The following DIAPH3 variants were observed in gnomAD, a reference collection of about 807,000 sequenced individuals.
DIAPH3 encodes diaphanous related formin 3.
In DIAPH3, 117 loss-of-function variants were observed where a neutral mutation model predicts 144.3. The observed-to-expected ratio is 0.81, with a 90% CI of 0.70 to 0.95. The LOEUF (loss-of-function observed/expected upper bound fraction) is 0.95. Among genes scored for constraint, DIAPH3 ranks in the 40% least tolerant of loss-of-function variants. The pLI is 0.00. For synonymous variants in DIAPH3, 519 were observed against 488.9 expected, an observed-to-expected ratio of 1.06 and a Z score of -0.81; for missense variants, 1,421 against 1,412.7, an observed-to-expected ratio of 1.01 and a Z score of -0.09.
chr13:59,758,534 C>T (rs1825907527), intron 27 of DIAPH3, among the ~76,000 whole-genome samples: 1 of 152,148 alleles, frequency 6.6e-6, no homozygotes, highest in Admixed American at 6.5e-5. Flanking sequence ...AATTCTGTTT[C>T]TTGATCTGGT....
At chr13:59,907,479 G>GAA (rs1460039215) in intron 20 of DIAPH3, among the ~76,000 whole-genome samples, 2 of 151,880 alleles carry the variant, frequency 1.3e-5, no homozygotes, top group Non-Finnish European at 2.9e-5. Flanking sequence ...AAATCTCCTA[G>GAA]AAAACACAGG....
intron 5 of DIAPH3, among the ~76,000 whole-genome samples, chr13:60,026,832 T>G (rs1344771835): frequency 6.6e-6 from 1 of 152,216 alleles, no homozygotes; most frequent in Non-Finnish European, 1.5e-5. Context: ...CCTATAATGA[T>G]CTTATCTTTT....
At chr13:60,152,518 T>TA (rs1032376636) in intron 1 of DIAPH3, among the ~76,000 whole-genome samples, 1 of 143,930 alleles carries the variant, frequency 6.9e-6, no homozygotes, top group Non-Finnish European at 1.5e-5. Context: ...ATTGGAACCC[T>TA]AAAAAAATCA....
intron 4 of DIAPH3, among the ~76,000 whole-genome samples, chr13:60,064,231 C>T (rs1244073127): frequency 2.0e-5 from 3 of 152,126 alleles, no homozygotes; most frequent in African/African-American, 7.2e-5. Context: ...GCATTAGCCC[C>T]AACAAAGGAG....
chr13:59,743,305 C>T (rs749804231), intron 27 of DIAPH3, among the ~76,000 whole-genome samples: 10 of 152,094 alleles, frequency 6.6e-5, no homozygotes, highest in East Asian at 1.9e-4. Flanking sequence ...CTCAAAGAGA[C>T]GGAAGACCAG....
intron 24 of DIAPH3, among the ~76,000 whole-genome samples, chr13:59,827,651 T>C (rs1242496054): frequency 6.6e-6 from 1 of 152,004 alleles, no homozygotes; most frequent in African/African-American, 2.4e-5. Context: ...AGTACAGGCT[T>C]CCACCCGTAC....
At chr13:60,063,821 C>T (rs1235932695) in intron 4 of DIAPH3, among the ~76,000 whole-genome samples, 2 of 151,812 alleles carry the variant, frequency 1.3e-5, no homozygotes, top group African/African-American at 2.4e-5. Flanking sequence ...CCCAGCTACT[C>T]GAGAGGCTGA....
intron 25 of DIAPH3, among the ~76,000 whole-genome samples, chr13:59,776,215 T>C (rs1422877307): frequency 6.6e-6 from 1 of 152,146 alleles, no homozygotes; most frequent in Non-Finnish European, 1.5e-5. Context: ...AACAGATATA[T>C]AAATATAAAT....
chr13:59,687,632 T>C (rs17057024), intron 27 of DIAPH3, among the ~76,000 whole-genome samples: 6,636 of 152,038 alleles, frequency 0.044, 226 homozygotes, highest in South Asian at 0.1. Context: ...AATGATATAT[T>C]GAAAAAACTC....
intron 25 of DIAPH3, among the ~76,000 whole-genome samples, chr13:59,777,017 C>T (rs996293472): frequency 4.6e-5 from 7 of 152,154 alleles, no homozygotes; most frequent in South Asian, 2.1e-4. Context: ...TTCTAGCTAC[C>T]GTTACTAGTC....
intron 9 of DIAPH3, among the ~76,000 whole-genome samples, chr13:60,003,520 T>C (rs962624441): frequency 1.3e-5 from 2 of 150,382 alleles, no homozygotes; most frequent in Non-Finnish European, 3.0e-5. Flanking sequence ...TGTGTATACA[T>C]ATATATATAG....
chr13:60,049,882 T>G (rs1272825982), intron 4 of DIAPH3, among the ~76,000 whole-genome samples: 1 of 152,192 alleles, frequency 6.6e-6, no homozygotes, highest in African/African-American at 2.4e-5. Flanking sequence ...ATAATATCTT[T>G]TGTTCTAAGA....
chr13:59,738,295 C>T (rs964074063), intron 27 of DIAPH3, among the ~76,000 whole-genome samples: 1 of 152,030 alleles, frequency 6.6e-6, no homozygotes, highest in Non-Finnish European at 1.5e-5. Flanking sequence ...AAGAAGGTGG[C>T]CTGCCAAAGC....
chr13:59,747,975 G>T (rs917942731), intron 27 of DIAPH3, among the ~76,000 whole-genome samples: 3 of 152,154 alleles, frequency 2.0e-5, no homozygotes, highest in Non-Finnish European at 1.5e-5. Context: ...GCCCAAATGA[G>T]GTTAGCTAGC....
chr13:59,780,795 GA>G (rs1175133854), intron 25 of DIAPH3, among the ~76,000 whole-genome samples: 1 of 152,176 alleles, frequency 6.6e-6, no homozygotes, highest in East Asian at 1.9e-4. Context: ...GGGGAACAAA[GA>G]TTGGAAAATA....
chr13:59,956,471 A>G lies in DIAPH3; in HGVS notation c.2074+13473T>C, dbSNP rs927508252. Among the ~76,000 whole-genome samples, 3 of 152,210 alleles carry G rather than the reference A, an allele frequency of 2.0e-5. 1 individual carries two copies. The highest frequency in any genetic ancestry group is 4.4e-5 in the Non-Finnish European group (3 of 68,046). On this transcript the variant is annotated intron_variant, in intron 17 of 27. Coordinates refer to ENST00000400324, the MANE Select transcript of DIAPH3 (RefSeq NM_001042517.2). ...CATGGTGTCAGGACTGTGGGTGCAAATAAGTCAAGAACTGAGGTTTGGGAA... is the reference window on the plus strand; with the variant it reads ...CATGGTGTCAGGACTGTGGGTGCAAGTAAGTCAAGAACTGAGGTTTGGGAA...
At chr13:59,797,262 C>T (rs1370445003) in intron 25 of DIAPH3, among the ~76,000 whole-genome samples, 1 of 152,150 alleles carries the variant, frequency 6.6e-6, no homozygotes, top group Non-Finnish European at 1.5e-5. Context: ...CTGTCTCCTG[C>T]CAGAATATAT....
At chr13:59,767,196 C>A (rs1194065230) in intron 27 of DIAPH3, among the ~76,000 whole-genome samples, 1 of 152,176 alleles carries the variant, frequency 6.6e-6, no homozygotes, top group African/African-American at 2.4e-5. Flanking sequence ...AGTAGCACCA[C>A]CTCGTTGGAT....
intron 17 of DIAPH3, among the ~76,000 whole-genome samples, chr13:59,958,156 T>C (rs138137690): frequency 1.9e-3 from 288 of 152,304 alleles, no homozygotes; most frequent in African/African-American, 6.6e-3. Flanking sequence ...CCAATTAAAA[T>C]AAACTTTATA....
Sources: gnomAD v4.1 joint callset for allele counts (sites outside exome capture counted in the v4.1 genomes callset) on GRCh38, gnomAD v4.1.1 for gene constraint, MANE v1.5 for transcripts, NCBI Gene and HGNC (gene_info 2026-07-23, HGNC 2026-07-21) for gene names.